ZNF182: variants seen among roughly 807,000 people sequenced by gnomAD.
ZNF182 encodes zinc finger protein 182, also known as zinc finger protein 21 (KOX 14).
Under a neutral mutation model 28.1 loss-of-function variants are expected in ZNF182, and 10 were observed. That is an observed-to-expected ratio of 0.36 (90% CI 0.22 to 0.60). The LOEUF is 0.60. Among genes scored for constraint, ZNF182 ranks in the 20% least tolerant of loss-of-function variants. The pLI is 0.75. For missense variants in ZNF182, 352 were observed against 453.2 expected, an observed-to-expected ratio of 0.78 and a Z score of 2.03; for synonymous variants, 156 against 158.7, an observed-to-expected ratio of 0.98 and a Z score of 0.13.
At chrX:48,002,400 G>A (rs1254196006) in intron 3 of ZNF182, 195 bp downstream of exon 3, 33 of 558,656 alleles carry the variant, frequency 5.9e-5, no homozygotes, top group Non-Finnish European at 8.7e-5. Flanking sequence ...GAAACTGACA[G>A]CCCAACATCA....
chrX:47,975,820 C>T lies in ZNF182; in HGVS notation c.*347G>A, dbSNP rs1345739234. On this transcript the variant is annotated 3_prime_UTR_variant, in exon 6 of 6. Transcript: ENST00000376943. ...GTTACCACTGTTATATCTATGGTTC[C>T]GCGCCTCGGGGTATATCCCGAACCT... 6 of 157,009 alleles carry T rather than the reference C, an allele frequency of 3.8e-5. No individual in the cohort carries two copies. Among genetic ancestry groups the T allele is most frequent in the African/African-American group, 1.2e-4 (4 of 32,446 alleles). The allele number at this position is 157,009 out of a possible 1,213,427, so 12.9% of individuals were successfully genotyped here.
chrX:47,999,535 A>C (rs949695809), intron 3 of ZNF182, among the ~76,000 whole-genome samples: 7 of 108,590 alleles, frequency 6.4e-5, no homozygotes, highest in African/African-American at 2.0e-4. Context: ...CTCATAGAAG[A>C]CCAGTGGTTA....
chrX:47,979,866 G>GGTGTGTGTGTGTGT (rs56350180), intron 5 of ZNF182, among the ~76,000 whole-genome samples: 35 of 89,759 alleles, frequency 3.9e-4, no homozygotes, highest in Admixed American at 1.7e-3. Flanking sequence ...GTGTGTGTGG[G>GGTGTGTGTGTGTGT]GTGTGTGTGT....
intron 3 of ZNF182, among the ~76,000 whole-genome samples, chrX:47,999,243 G>C (rs1176430218): frequency 9.1e-6 from 1 of 109,910 alleles, no homozygotes; most frequent in Non-Finnish European, 1.9e-5. Flanking sequence ...AGCCAGGCGT[G>C]GTGGCAGGTG....
In ZNF182 at chrX:47,976,835, T is replaced by C. The variant is rs1209811281; in HGVS notation, c.1195A>G (p.Ile399Val). 1.7e-6 allele frequency: 2 copies of C among 1,207,866 alleles called. No individual in the cohort carries two copies. Among genetic ancestry groups the C allele is most frequent in the Non-Finnish European group, 1.1e-6 (1 of 894,374 alleles). ...GKSFNEKSTL[I>V]VHQRTHTGEK... Reference sequence around the variant, plus strand: ...CCTGTATGAGTTCTTTGATGCACAATGAGGGTTGACTTCTCATTGAAAGAC... The same window carrying C: ...CCTGTATGAGTTCTTTGATGCACAACGAGGGTTGACTTCTCATTGAAAGAC... Residue 399 changes from isoleucine to valine, a missense_variant, in exon 6 of 6, where the codon ATT becomes GTT. Coordinates refer to ENST00000376943, the MANE Select transcript of ZNF182 (RefSeq NM_001007088.2).
chrX:48,002,503 C>A, intron 3 of ZNF182, 92 bp downstream of exon 3: 16 of 1,143,303 alleles, frequency 1.4e-5, no homozygotes, highest in Non-Finnish European at 1.7e-5. Context: ...TCCTTATTTA[C>A]AAATACTTTC....
chrX:47,992,695 G>A (rs1336888529), intron 3 of ZNF182, among the ~76,000 whole-genome samples: 2 of 111,392 alleles, frequency 1.8e-5, no homozygotes, highest in African/African-American at 6.5e-5. Context: ...TCTTCCGTCT[G>A]GACCTGTGAG....
At chrX:48,000,740 A>G (rs1385952918) in intron 3 of ZNF182, among the ~76,000 whole-genome samples, 1 of 111,283 alleles carries the variant, frequency 9.0e-6, no homozygotes, top group Non-Finnish European at 1.9e-5. Flanking sequence ...CAAATTAAAA[A>G]TTCTTGCTCT....
chrX:47,982,848 C>T, intron 5 of ZNF182, 101 bp downstream of exon 5: 2 of 823,137 alleles, frequency 2.4e-6, no homozygotes, highest in Admixed American at 5.2e-5. Context: ...GGGCCAGAAC[C>T]TTTTCCTAAG....
chrX:47,992,909 C>T (rs1437942366), intron 3 of ZNF182, among the ~76,000 whole-genome samples: 3 of 110,632 alleles, frequency 2.7e-5, no homozygotes, highest in Non-Finnish European at 5.7e-5. Flanking sequence ...GAGAGGGACA[C>T]CTGGTCATGG....
chrX:47,991,609 A>G (rs1156694790), intron 3 of ZNF182, among the ~76,000 whole-genome samples: 1 of 111,834 alleles, frequency 8.9e-6, no homozygotes, highest in Non-Finnish European at 1.9e-5. Flanking sequence ...TAGTCCTGAC[A>G]TGATGGCACA....
intron 5 of ZNF182, among the ~76,000 whole-genome samples, chrX:47,978,049 C>A (rs868971372): frequency 9.0e-6 from 1 of 110,673 alleles, no homozygotes; most frequent in African/African-American, 3.3e-5. Flanking sequence ...AAACTTATAC[C>A]CTTGATCTTC....
Position 47,981,881 on chromosome X carries a change from C to A in ZNF182, c.232+1068G>T, listed in dbSNP as rs191453016. On this transcript the variant is annotated intron_variant, in intron 5 of 5. Coordinates refer to ENST00000376943, the MANE Select transcript of ZNF182 (RefSeq NM_001007088.2). ...CACCACTGCACTCCAGCCTGGGCAA[C>A]AGAGCAAGACTCTGTCTCAAAAAAA... Among the ~76,000 whole-genome samples the A allele has an allele frequency of 2.2e-3, 199 of 91,280 alleles. 3 individuals are homozygous for A. Among genetic ancestry groups the A allele is most frequent in the African/African-American group, 7.3e-3 (189 of 25,730 alleles). 79.3% of individuals were successfully genotyped at this position (91,280 alleles called of 115,157 possible).
chrX:47,994,713 A>G (rs1304873993), intron 3 of ZNF182, among the ~76,000 whole-genome samples: 2 of 111,270 alleles, frequency 1.8e-5, no homozygotes, highest in Non-Finnish European at 3.8e-5. Flanking sequence ...ATCTCTGCGC[A>G]CTGCAACCTC....
In ZNF182 at chrX:47,975,528, T is replaced by C. The variant is rs1337248594; in HGVS notation, c.*639A>G. On this transcript the variant is annotated 3_prime_UTR_variant, in exon 6 of 6. Transcript: ENST00000376943. Reference sequence around the variant, plus strand: ...CTAAGCAGATCAGTTTTTTTTTTTTTTGACAACTGAGAATTTTTTCCCCCC... The same window carrying C: ...CTAAGCAGATCAGTTTTTTTTTTTTCTGACAACTGAGAATTTTTTCCCCCC... The C allele has an allele frequency of 9.0e-6, 1 of 110,956 alleles. No homozygotes were observed. The highest frequency in any genetic ancestry group is 1.9e-5 in the Non-Finnish European group (1 of 52,895). The allele number at this position is 110,956 out of a possible 1,213,427, so 9.1% of individuals were successfully genotyped here.
intron 5 of ZNF182, among the ~76,000 whole-genome samples, chrX:47,980,665 G>T (rs1400162094): frequency 6.3e-5 from 7 of 111,458 alleles, no homozygotes; most frequent in African/African-American, 2.3e-4. Flanking sequence ...GGCTCATGTT[G>T]TAAAAAGTGA....
In ZNF182 at chrX:47,981,605, A is replaced by T. The variant is rs191698950; in HGVS notation, c.232+1344T>A. Among the ~76,000 whole-genome samples, 6 of 112,524 alleles carry T rather than the reference A, an allele frequency of 5.3e-5. No individual in the cohort carries two copies. The Admixed American group carries it at 5.6e-4, about 11-fold the overall frequency. On this transcript the variant is annotated intron_variant, in intron 5 of 5. Coordinates refer to ENST00000376943, the MANE Select transcript of ZNF182 (RefSeq NM_001007088.2). The stretch of plus-strand genomic sequence containing the variant: ...GATAAGAAGCAATTTCTCTTTATAG[A>T]ATTATTCCAGTGGGGCCGGGCACGG...
rs183209611 is a variant in ZNF182 at position 47,975,722 on chromosome X, G to A, written c.*445C>T. On this transcript the variant is annotated 3_prime_UTR_variant, in exon 6 of 6. Transcript: ENST00000376943. The stretch of plus-strand genomic sequence containing the variant: ...TGGCTTGTCTGAGTGACTCCTTCTC[G>A]AGGCCCCAGCCTGTTTCTCCTCAGA... 7.7e-4 allele frequency: 88 copies of A among 114,903 alleles called. 1 individual carries two copies. The highest frequency in any genetic ancestry group is 1.9e-3 in the Admixed American group (20 of 10,658). 9.5% of individuals were successfully genotyped at this position (114,903 alleles called of 1,213,427 possible).
intron 3 of ZNF182, among the ~76,000 whole-genome samples, chrX:47,984,217 C>T (rs2058916360): frequency 9.0e-6 from 1 of 111,571 alleles, no homozygotes; most frequent in African/African-American, 3.3e-5. Flanking sequence ...AATTAAGCCA[C>T]ATTGAGACAC....
Sources: allele counts gnomAD v4.1 joint callset (sites outside exome capture counted in the v4.1 genomes callset), GRCh38; gene constraint gnomAD v4.1.1; transcripts MANE v1.5; gene names NCBI Gene and HGNC (gene_info 2026-07-23, HGNC 2026-07-21).